PNPO: variants seen among roughly 807,000 people sequenced by gnomAD.
The protein encoded by PNPO is pyridoxine-5'-phosphate oxidase.
Under a neutral mutation model 35.0 loss-of-function variants are expected in PNPO, and 39 were observed. The observed-to-expected ratio is 1.11, with a 90% CI of 0.86 to 1.45. PNPO has a LOEUF of 1.45. Among genes scored for constraint, PNPO ranks in the 40% most tolerant of loss-of-function variants. The probability of loss-of-function intolerance (pLI) is 0.00; values close to 1 mark genes in which losing one functional copy is unlikely to be tolerated. For missense variants in PNPO, 288 were observed against 340.0 expected (o/e 0.85, Z 1.20); for synonymous variants, 115 against 119.8 (o/e 0.96, Z 0.26).
Position 47,944,615 on chromosome 17 carries a change from G to C in PNPO, c.264-1G>C. ...CACAGTGCTCTGCTCTTTGCTCCTA[G>C]AGATGGAAAACCCTCTGCTCGCATG... On this transcript the variant is annotated splice_acceptor_variant, in intron 2 of 6. Coordinates refer to ENST00000642017, the MANE Select transcript of PNPO (RefSeq NM_018129.4). LOFTEE classifies it high-confidence loss of function. 3 of 1,612,768 alleles carry C rather than the reference G, an allele frequency of 1.9e-6. No homozygotes were observed. Among genetic ancestry groups the C allele is most frequent in the South Asian group, 1.1e-5 (1 of 91,044 alleles).
chr17:47,941,631 A>G lies in PNPO; in HGVS notation c.-45A>G, dbSNP rs1272788404. ...AGAAATTGGTTCCGAACTCAAAGGA[A>G]CCCAGTGCCGGGCCACAGCCGGGTC... On this transcript the variant is annotated 5_prime_UTR_variant, in exon 1 of 7. Coordinates refer to ENST00000642017, the MANE Select transcript of PNPO (RefSeq NM_018129.4). 8.0e-6 allele frequency: 12 copies of G among 1,500,086 alleles called. No homozygotes were observed. Among genetic ancestry groups the G allele is most frequent in the Non-Finnish European group, 9.9e-6 (11 of 1,116,386 alleles). The allele number at this position is 1,500,086 out of a possible 1,614,324, so 92.9% of individuals were successfully genotyped here.
Position 47,945,519 on chromosome 17 carries a change from C to G in PNPO, c.364-40C>G. 1 of 1,573,530 alleles carries G rather than the reference C, an allele frequency of 6.4e-7. No individual in the cohort carries two copies. Among genetic ancestry groups the G allele is most frequent in the Non-Finnish European group, 8.7e-7 (1 of 1,143,136 alleles). ...CCTGCATGCCGGAGGCCTCCTCTCC[C>G]TGTCCTGATGGCTGGCTGTGGATTC... On this transcript the variant is annotated intron_variant, in intron 3 of 6. Coordinates refer to ENST00000642017, the MANE Select transcript of PNPO (RefSeq NM_018129.4). The surrounding 1 kb of genome is among the most constrained non-coding windows in gnomAD (Gnocchi z 4.0).
chr17:47,947,260 T>A lies in PNPO; in HGVS notation c.*478T>A, dbSNP rs999007338. On this transcript the variant is annotated 3_prime_UTR_variant, in exon 7 of 7. Transcript: ENST00000642017. ...AACCTTGGGAGTCATTAAAGCCAAG[T>A]CATTCATAGCAGCCAGGAAACAATA... 3 of 167,738 alleles carry A rather than the reference T, an allele frequency of 1.8e-5. No individual in the cohort carries two copies. Among genetic ancestry groups the A allele is most frequent in the Admixed American group, 1.7e-4 (3 of 18,116 alleles). 10.4% of individuals were successfully genotyped at this position (167,738 alleles called of 1,614,324 possible).
intron 5 of PNPO, 39 bp from the exon 6 acceptor site, chr17:47,946,284 C>G: frequency 6.9e-7 from 1 of 1,454,372 alleles, no homozygotes; most frequent in Non-Finnish European, 9.7e-7. Context: ...GAATCATTGA[C>G]TGGGCCTGGC....
intron 5 of PNPO, 62 bp downstream of exon 5, chr17:47,946,051 G>T: frequency 6.3e-7 from 1 of 1,596,236 alleles, no homozygotes; most frequent in Non-Finnish European, 8.6e-7. Flanking sequence ...CCCAGAAGCT[G>T]TCCCCAGGAG....
chr17:47,943,215 T>G (rs2144160248), intron 1 of PNPO, 91 bp from the exon 2 acceptor site: 433 of 969,452 alleles, frequency 4.5e-4, no homozygotes, highest in East Asian at 9.5e-4. Context: ...GAGGACTAAA[T>G]GAGTTGATTT....
At chr17:47,946,149 G>A in intron 5 of PNPO, 160 bp downstream of exon 5, 1 of 1,106,798 alleles carries the variant, frequency 9.0e-7, no homozygotes, top group Non-Finnish European at 1.3e-6. Flanking sequence ...AGTGGGGGTA[G>A]GGAGAGGGGA....
rs968500926 is a variant in PNPO at position 47,947,060 on chromosome 17, T to C, written c.*278T>C. 2.4e-6 allele frequency: 1 copy of C among 421,368 alleles called. No homozygotes were observed. Among genetic ancestry groups the C allele is most frequent in the African/African-American group, 2.0e-5 (1 of 49,610 alleles). 26.1% of individuals were successfully genotyped at this position (421,368 alleles called of 1,614,324 possible). A position where few individuals can be genotyped will look rare whatever the true frequency, so the allele number is the denominator to read the frequency against. On this transcript the variant is annotated 3_prime_UTR_variant, in exon 7 of 7. Coordinates refer to ENST00000642017, the MANE Select transcript of PNPO (RefSeq NM_018129.4). Reference sequence around the variant, plus strand: ...TATGATTGATTAGGATAGCTCCCTCTAGGGGTAGCAGCCGGTGTGACTCCC... The same window carrying C: ...TATGATTGATTAGGATAGCTCCCTCCAGGGGTAGCAGCCGGTGTGACTCCC...
rs765226742 is a variant in PNPO, at chr17:47,946,699, G to C, written c.703G>C (p.Gly235Arg). Residue 235 changes from glycine to arginine, a missense_variant, in exon 7 of 7, where the codon GGC (glycine) becomes CGC (arginine). Gly to Arg is a moderately radical substitution (Grantham distance 125, BLOSUM62 -2). Coordinates refer to ENST00000642017, the MANE Select transcript of PNPO (RefSeq NM_018129.4). ...GCATGACCGGATAGTCTTTCGGCGG[G>C]GCCTACCCACAGGAGATTCCCCTTT... is the stretch of plus-strand genomic sequence containing the variant. ...RLHDRIVFRR[G>R]LPTGDSPLGP... The C allele has an allele frequency of 3.7e-6, 6 of 1,614,078 alleles. No individual in the cohort carries two copies. In the African/African-American group the frequency reaches 8.0e-5, roughly 22 times the overall value.
rs144390543 is a variant in PNPO at position 47,946,694 on chromosome 17, G to A, written c.698G>A (p.Arg233Gln). ...TNRLHDRIVF[R>Q]RGLPTGDSPL... The stretch of plus-strand genomic sequence containing the variant: ...CGCCTGCATGACCGGATAGTCTTTC[G>A]GCGGGGCCTACCCACAGGAGATTCC... Residue 233 changes from arginine to glutamine, a missense_variant, in exon 7 of 7, where the codon CGG (arginine) becomes CAG (glutamine). Transcript: ENST00000642017. 8.9e-5 allele frequency: 143 copies of A among 1,614,170 alleles called. 2 individuals carry two copies. The African/African-American group carries it at 1.4e-3, about 16-fold the overall frequency.
chr17:47,946,251 A>G (rs1039427067), intron 5 of PNPO, 72 bp from the exon 6 acceptor site: 6 of 1,238,484 alleles, frequency 4.8e-6, no homozygotes, highest in Non-Finnish European at 7.2e-6. Flanking sequence ...CCCAGCACAT[A>G]TCCCCAGGAA....
In PNPO at chr17:47,946,952, G is replaced by T. The variant is rs1377070776; in HGVS notation, c.*170G>T. 9.6e-6 allele frequency: 6 copies of T among 626,582 alleles called. No homozygotes were observed. The highest frequency in any genetic ancestry group is 1.7e-5 in the Non-Finnish European group (6 of 354,626). 38.8% of individuals were successfully genotyped at this position (626,582 alleles called of 1,614,324 possible). On this transcript the variant is annotated 3_prime_UTR_variant, in exon 7 of 7. Coordinates refer to ENST00000642017, the MANE Select transcript of PNPO (RefSeq NM_018129.4). The stretch of plus-strand genomic sequence containing the variant: ...GTTCTCTGTACTCAGTTGGTTCTCA[G>T]TTAGCTGGTCAAGTGGAGTGTAATG...
chr17:47,944,773 C>T, intron 3 of PNPO, 58 bp downstream of exon 3: 1 of 1,358,954 alleles, frequency 7.4e-7, no homozygotes, highest in Non-Finnish European at 1.1e-6. Context: ...CTCTTGCTTC[C>T]TCAGTCACCT....
chr17:47,941,930 G>C (rs940023301), intron 1 of PNPO, 117 bp downstream of exon 1: 4 of 1,380,432 alleles, frequency 2.9e-6, no homozygotes, highest in Non-Finnish European at 3.8e-6. Context: ...CCACCCGGTG[G>C]GGCAAGGAGG....
intron 3 of PNPO, 127 bp downstream of exon 3, chr17:47,944,842 C>A: frequency 1.3e-6 from 1 of 781,224 alleles, no homozygotes; most frequent in Non-Finnish European, 2.3e-6. Flanking sequence ...GCCCTCCTGC[C>A]ATGAGGCCTT....
At chr17:47,943,503 G>T in intron 2 of PNPO, 73 bp downstream of exon 2, 1 of 1,574,634 alleles carries the variant, frequency 6.4e-7, no homozygotes, top group Admixed American at 1.7e-5. Context: ...CTCTACTCTG[G>T]ATGCCAATTT....
Position 47,946,672 on chromosome 17 carries a change from C to A in PNPO, c.676C>A (p.Leu226Met), listed in dbSNP as rs1214665848. The change falls in exon 7 of 7, where the codon CTG (leucine) becomes ATG (methionine). Residue 226 changes from leucine (L) to methionine (M), a missense_variant. Leu to Met is a conservative substitution (Grantham distance 15, BLOSUM62 2). Coordinates refer to ENST00000642017, the MANE Select transcript of PNPO (RefSeq NM_018129.4). ...MEFWQGQTNR[L>M]HDRIVFRRGL... ...GTTCTGGCAAGGTCAAACCAACCGC[C>A]TGCATGACCGGATAGTCTTTCGGCG... 5.6e-6 allele frequency: 9 copies of A among 1,614,220 alleles called. No homozygotes were observed. Among genetic ancestry groups the A allele is most frequent in the Non-Finnish European group, 7.6e-6 (9 of 1,180,020 alleles).
At position 47,944,637 on chromosome 17, in the gene PNPO, C is replaced by A. The variant is rs778358138; in HGVS notation, c.285C>A (p.Arg95=). ...CTAGAGATGGAAAACCCTCTGCTCG[C>A]ATGTTGCTGCTGAAGGGCTTCGGGA... is the stretch of plus-strand genomic sequence containing the variant. ...TCTRDGKPSA[R]MLLLKGFGKD... is the part of the protein sequence containing the mutation. The change falls in exon 3 of 7, where the codon CGC becomes CGA. Residue 95 remains arginine, a synonymous_variant. Transcript: ENST00000642017. 6.2e-7 allele frequency: 1 copy of A among 1,614,050 alleles called. No individual in the cohort carries two copies. The highest frequency in any genetic ancestry group is 1.1e-5 in the South Asian group (1 of 91,084).
At position 47,946,935 on chromosome 17, in the gene PNPO, T is replaced by C. The variant is rs370246326; in HGVS notation, c.*153T>C. On this transcript the variant is annotated 3_prime_UTR_variant, in exon 7 of 7. Coordinates refer to ENST00000642017, the MANE Select transcript of PNPO (RefSeq NM_018129.4). The stretch of plus-strand genomic sequence containing the variant: ...CAGAGCTAATCCTCTAAGTTCTCTG[T>C]ACTCAGTTGGTTCTCAGTTAGCTGG... 1 of 675,166 alleles carries C rather than the reference T, an allele frequency of 1.5e-6. No individual in the cohort carries two copies. The highest frequency in any genetic ancestry group is 2.7e-5 in the East Asian group (1 of 36,744). 41.8% of individuals were successfully genotyped at this position (675,166 alleles called of 1,614,324 possible).
Sources: allele counts gnomAD v4.1 joint callset, GRCh38; gene constraint gnomAD v4.1.1; non-coding constraint Gnocchi (gnomAD v3.1); transcripts MANE v1.5; gene names NCBI Gene and HGNC (gene_info 2026-07-23, HGNC 2026-07-21).